The following SLC24A2 variants were observed in gnomAD, a reference collection of about 807,000 sequenced individuals.
SLC24A2 encodes the protein solute carrier family 24 member 2.
SLC24A2 carries 36 observed loss-of-function variants against 62.0 expected under a neutral mutation model. That is an observed-to-expected ratio of 0.58 (90% CI 0.44 to 0.77). SLC24A2 has a LOEUF of 0.77. SLC24A2 is among the 30% of genes least tolerant of loss of function. SLC24A2 has a pLI of 0.00. For missense variants in SLC24A2, 846 were observed against 817.9 expected, an observed-to-expected ratio of 1.03 and a Z score of -0.42; for synonymous variants, 358 against 294.0, an observed-to-expected ratio of 1.22 and a Z score of -2.23.
the SLC24A2 span, among the ~76,000 whole-genome samples, chr9:20,100,676 A>G: frequency 2.2e-4 from 33 of 152,210 alleles, no homozygotes; most frequent in Admixed American, 3.9e-4. Context: ...GAATATTCCA[A>G]TGCTACTACT....
At chr9:19,653,279 G>T (rs768007699) in intron 2 of SLC24A2, among the ~76,000 whole-genome samples, 1 of 152,168 alleles carries the variant, frequency 6.6e-6, no homozygotes, top group African/African-American at 2.4e-5. Flanking sequence ...GCTCATTGAC[G>T]TTCTGTTAGG....
chr9:19,543,249 G>A (rs1834370147), intron 8 of SLC24A2, among the ~76,000 whole-genome samples: 1 of 152,158 alleles, frequency 6.6e-6, no homozygotes, highest in South Asian at 2.1e-4. Context: ...ATGGTAGTTT[G>A]TATTTCTGTG....
At chr9:19,579,503 G>T (rs1416426303) in intron 5 of SLC24A2, among the ~76,000 whole-genome samples, 1 of 152,110 alleles carries the variant, frequency 6.6e-6, no homozygotes, top group Non-Finnish European at 1.5e-5. Context: ...AACTTTATTG[G>T]AGATGATGCT....
intron 2 of SLC24A2, among the ~76,000 whole-genome samples, chr9:19,775,535 A>G (rs1440112731): frequency 1.3e-5 from 2 of 152,250 alleles, no homozygotes. Context: ...GTGCTTGGAG[A>G]GGAAGCATTG....
the SLC24A2 span, among the ~76,000 whole-genome samples, chr9:19,921,851 T>C: frequency 1.3e-5 from 2 of 152,276 alleles, no homozygotes; most frequent in South Asian, 4.1e-4. Flanking sequence ...ATCTTATTGA[T>C]ATGAAAGTTG....
Position 19,550,208 on chromosome 9 carries a change from G to C in SLC24A2, c.1408C>G (p.Gln470Glu), listed in dbSNP as rs1307807342. 6.2e-7 allele frequency: 1 copy of C among 1,614,100 alleles called. No homozygotes were observed. Among genetic ancestry groups the C allele is most frequent in the African/African-American group, 1.3e-5 (1 of 75,050 alleles). ...GGGAAAACAATCAGAAACGTGACTT[G>C]CTTGCGGGTTTCAGAAGGCCAGGCA... The part of the protein sequence containing the change: ...SLAWPSETRK[Q>E]VTFLIVFPIV... Residue 470 changes from glutamine (Q) to glutamate (E), a missense_variant, in exon 8 of 11, where the codon CAA (glutamine) becomes GAA (glutamate). Coordinates refer to ENST00000341998, the MANE Select transcript of SLC24A2 (RefSeq NM_020344.4).
the SLC24A2 span, among the ~76,000 whole-genome samples, chr9:20,186,583 A>G: frequency 6.6e-6 from 1 of 152,194 alleles, no homozygotes; most frequent in Non-Finnish European, 1.5e-5. Context: ...GATTTTGTAG[A>G]GTCAGCTTTA....
chr9:20,095,432 C>G, the SLC24A2 span, among the ~76,000 whole-genome samples: 2 of 152,306 alleles, frequency 1.3e-5, no homozygotes, highest in South Asian at 4.1e-4. Flanking sequence ...AATAAGTAGA[C>G]TGAGTAAACC....
chr9:19,868,274 A>T, the SLC24A2 span, among the ~76,000 whole-genome samples: 25 of 152,092 alleles, frequency 1.6e-4, no homozygotes, highest in African/African-American at 5.8e-4. Flanking sequence ...TTAGAGGCTT[A>T]TTGTTTATTT....
At chr9:19,699,589 T>C (rs1024470079) in intron 2 of SLC24A2, among the ~76,000 whole-genome samples, 5 of 152,160 alleles carry the variant, frequency 3.3e-5, no homozygotes, top group African/African-American at 1.2e-4. Flanking sequence ...AAAACCAGCA[T>C]ATTAAACTAT....
chr9:19,949,314 A>G, the SLC24A2 span, among the ~76,000 whole-genome samples: 9 of 152,174 alleles, frequency 5.9e-5, no homozygotes, highest in African/African-American at 1.4e-4. Flanking sequence ...ATTTAATCCA[A>G]TCTTTGGAGG....
At chr9:19,719,920 C>G (rs1004788573) in intron 2 of SLC24A2, among the ~76,000 whole-genome samples, 7 of 152,080 alleles carry the variant, frequency 4.6e-5, no homozygotes, top group Non-Finnish European at 1.0e-4. Context: ...GCAAGCAAAC[C>G]ACAGTAGCTT....
the SLC24A2 span, among the ~76,000 whole-genome samples, chr9:20,129,964 C>CACAG: frequency 1.3e-5 from 2 of 149,474 alleles, no homozygotes; most frequent in African/African-American, 4.9e-5. Flanking sequence ...CACACACACA[C>CACAG]AGAGGTTAAG....
chr9:19,622,186 C>G, intron 3 of SLC24A2, 75 bp downstream of exon 3: 1 of 1,236,018 alleles, frequency 8.1e-7, no homozygotes, highest in Admixed American at 1.7e-5. Flanking sequence ...GCACACAAAC[C>G]CGTCTCACTC....
chr9:20,026,081 A>AT, the SLC24A2 span, among the ~76,000 whole-genome samples: 1 of 152,066 alleles, frequency 6.6e-6, no homozygotes, highest in African/African-American at 2.4e-5. Context: ...CAAATTGCAT[A>AT]TTTTTTCTTT....
chr9:20,049,796 T>G, the SLC24A2 span, among the ~76,000 whole-genome samples: 2 of 152,136 alleles, frequency 1.3e-5, no homozygotes, highest in Non-Finnish European at 2.9e-5. Context: ...AAGGTAGTTT[T>G]GGCAGCAATC....
At chr9:19,811,681 A>G in the SLC24A2 span, among the ~76,000 whole-genome samples, 4 of 152,086 alleles carry the variant, frequency 2.6e-5, no homozygotes, top group African/African-American at 9.7e-5. Context: ...TCCTCAATTA[A>G]TTTTAGTCAA....
chr9:19,517,756 T>C (rs1202483595), intron 10 of SLC24A2, among the ~76,000 whole-genome samples: 1 of 151,792 alleles, frequency 6.6e-6, no homozygotes, highest in East Asian at 1.9e-4. Flanking sequence ...AGCCTTGGCA[T>C]CCTGGGGTCA....
At chr9:20,168,895 T>C in the SLC24A2 span, among the ~76,000 whole-genome samples, 1 of 152,028 alleles carries the variant, frequency 6.6e-6, no homozygotes, top group African/African-American at 2.4e-5. Flanking sequence ...AACAGGCATT[T>C]GTTCGCCAAT....
Sources: allele counts gnomAD v4.1 joint callset (sites outside exome capture counted in the v4.1 genomes callset), GRCh38; gene constraint gnomAD v4.1.1; transcripts MANE v1.5; gene names NCBI Gene and HGNC (gene_info 2026-07-23, HGNC 2026-07-21).